Variants in ZFHX3 observed in about 807,000 individuals in gnomAD.
The protein encoded by ZFHX3 is zinc finger homeobox 3.
In ZFHX3, 42 loss-of-function variants were observed where a neutral mutation model predicts 279.1. The observed-to-expected ratio is 0.15, with a 90% CI of 0.12 to 0.19. The LOEUF (loss-of-function observed/expected upper bound fraction) is 0.19, where lower values mean the gene tolerates loss of function less well. ZFHX3 is among the 10% of genes least tolerant of loss of function. The pLI is 1.00. For synonymous variants in ZFHX3, 2,293 were observed against 1,957.8 expected (o/e 1.17, Z -4.52); for missense variants, 4,981 against 4,754.0 (o/e 1.05, Z -1.40).
At chr16:73,106,232 C>T (rs761885960) in intron 7 of ZFHX3, among the ~76,000 whole-genome samples, 8 of 152,010 alleles carry the variant, frequency 5.3e-5, no homozygotes, top group Non-Finnish European at 8.8e-5. Context: ...TCCATGCCCA[C>T]TGCTGGGTCC....
chr16:73,474,192 G>C (rs886217994), intron 2 of ZFHX3, among the ~76,000 whole-genome samples: 12 of 151,896 alleles, frequency 7.9e-5, no homozygotes, highest in African/African-American at 2.9e-4. Context: ...CTGTCACCCA[G>C]GCTGGAGTGC....
chr16:73,855,040 G>A (rs1204656306), intron 1 of ZFHX3, among the ~76,000 whole-genome samples: 1 of 152,090 alleles, frequency 6.6e-6, no homozygotes, highest in African/African-American at 2.4e-5. Flanking sequence ...TCCCGAGGAG[G>A]TACTGGTGTT....
At chr16:73,755,567 T>C (rs1212349815) in intron 1 of ZFHX3, among the ~76,000 whole-genome samples, 2 of 152,186 alleles carry the variant, frequency 1.3e-5, no homozygotes, top group Non-Finnish European at 2.9e-5. Context: ...TTTTTTAAAA[T>C]GCAGTATCCT....
chr16:73,621,519 G>C (rs1391582341), intron 2 of ZFHX3, among the ~76,000 whole-genome samples: 1 of 152,164 alleles, frequency 6.6e-6, no homozygotes, highest in Non-Finnish European at 1.5e-5. Context: ...CTAAATGGTT[G>C]TGTTTATTTG....
At chr16:73,018,162 A>AT (rs1223903002) in intron 1 of ZFHX3, among the ~76,000 whole-genome samples, 51 of 147,202 alleles carry the variant, frequency 3.5e-4, no homozygotes, top group Admixed American at 8.8e-4. Flanking sequence ...ATTTTGCTTG[A>AT]TTTTTTTTTT....
intron 4 of ZFHX3, among the ~76,000 whole-genome samples, chr16:72,847,015 T>G (rs2037499051): frequency 6.6e-6 from 1 of 152,200 alleles, no homozygotes; most frequent in Non-Finnish European, 1.5e-5. Context: ...GGTGAAGGAC[T>G]CAAGGCTCAG....
intron 1 of ZFHX3, among the ~76,000 whole-genome samples, chr16:73,841,866 G>A (rs1037767630): frequency 1.2e-4 from 18 of 152,090 alleles, no homozygotes; most frequent in South Asian, 4.2e-4. Context: ...GCACATGAGC[G>A]CATAGTCTGT....
In ZFHX3 at chr16:72,958,268, G is replaced by A. The variant is rs377659601; in HGVS notation, c.1878C>T (p.Leu626=). Residue 626 remains leucine (L), a synonymous_variant, in exon 2 of 10, where the codon CTC becomes CTT. Transcript: ENST00000268489. ...GGCACTCCCCAACCCCAAGCTCGCAGAGGGAGCCAGCGTGCTGGTGATGGG... is the reference window on the plus strand; with the variant it reads ...GGCACTCCCCAACCCCAAGCTCGCAAAGGGAGCCAGCGTGCTGGTGATGGG... The part of the protein sequence containing the change: ...FVPHHQHAGS[L]CELGVGECPS... 1.1e-5 allele frequency: 18 copies of A among 1,613,852 alleles called. No individual in the cohort carries two copies. The highest frequency in any genetic ancestry group is 1.4e-5 in the Non-Finnish European group (17 of 1,179,838).
At chr16:73,872,113 A>T (rs2029863094) in intron 1 of ZFHX3, among the ~76,000 whole-genome samples, 1 of 152,206 alleles carries the variant, frequency 6.6e-6, no homozygotes, top group South Asian at 2.1e-4. Context: ...TGACCCAATA[A>T]TCTCGAAAGC....
intron 3 of ZFHX3, among the ~76,000 whole-genome samples, chr16:73,371,124 C>T (rs1436503996): frequency 1.3e-5 from 2 of 151,876 alleles, no homozygotes; most frequent in African/African-American, 4.8e-5. Context: ...GAGTTCAAGA[C>T]CAGCCTGGCC....
chr16:73,224,184 G>A (rs1225318448), intron 5 of ZFHX3, among the ~76,000 whole-genome samples: 1 of 152,186 alleles, frequency 6.6e-6, no homozygotes, highest in Non-Finnish European at 1.5e-5. Flanking sequence ...GACTTTGGGT[G>A]ATACTGATGT....
At chr16:73,141,845 C>T (rs1966848481) in intron 6 of ZFHX3, among the ~76,000 whole-genome samples, 1 of 152,186 alleles carries the variant, frequency 6.6e-6, no homozygotes, top group African/African-American at 2.4e-5. Context: ...CACTGCCCAG[C>T]CTGTAATCTT....
At chr16:72,934,167 G>A (rs2144312154) in intron 3 of ZFHX3, among the ~76,000 whole-genome samples, 1 of 152,288 alleles carries the variant, frequency 6.6e-6, no homozygotes. Flanking sequence ...GGCTCAGCCT[G>A]TAATTCCAAT....
chr16:73,405,866 T>C (rs1019416517), intron 3 of ZFHX3, among the ~76,000 whole-genome samples: 2 of 152,262 alleles, frequency 1.3e-5, no homozygotes, highest in Admixed American at 1.3e-4. Flanking sequence ...TCATTTGGAA[T>C]CTTCTTGAAA....
intron 1 of ZFHX3, among the ~76,000 whole-genome samples, chr16:73,024,531 G>A (rs2144659035): frequency 6.6e-6 from 1 of 152,294 alleles, no homozygotes; most frequent in East Asian, 1.9e-4. Context: ...CACGTGAGTT[G>A]CACTGAAAGG....
chr16:73,536,822 T>C (rs946869322), intron 2 of ZFHX3, among the ~76,000 whole-genome samples: 3 of 152,160 alleles, frequency 2.0e-5, no homozygotes, highest in Non-Finnish European at 4.4e-5. Flanking sequence ...GGAACTAATC[T>C]GCTGTTATTA....
chr16:72,809,314 C>CT (rs2036368256), intron 7 of ZFHX3: 1 of 152,158 alleles, frequency 6.6e-6, no homozygotes, highest in Non-Finnish European at 1.5e-5. Context: ...ATTGACAATG[C>CT]TTCCCTCCCC....
intron 3 of ZFHX3, among the ~76,000 whole-genome samples, chr16:73,322,696 T>C (rs182342369): frequency 1.3e-5 from 2 of 152,212 alleles, no homozygotes; most frequent in Non-Finnish European, 2.9e-5. Flanking sequence ...TCCAAAGACA[T>C]AGACCATTAT....
Position 73,816,763 on chromosome 16 carries a change from C to T in ZFHX3, c.-1608+74888G>A, listed in dbSNP as rs1377596109. On this transcript the variant is annotated intron_variant, in intron 1 of 17. Transcript: ENST00000641206. ...CAGAACTGGTCACTAGAGGACCAGA[C>T]TGGATGGTTTGAAGTAACGAAGATG... Among the ~76,000 whole-genome samples the T allele has an allele frequency of 3.3e-5, 5 of 152,208 alleles. No individual in the cohort carries two copies. The East Asian group carries it at 9.7e-4, about 30-fold the overall frequency.
Sources: gnomAD v4.1 joint callset for allele counts (sites outside exome capture counted in the v4.1 genomes callset) on GRCh38, gnomAD v4.1.1 for gene constraint, MANE v1.5 for transcripts, NCBI Gene and HGNC (gene_info 2026-07-23, HGNC 2026-07-21) for gene names.